Variants in CROT observed in about 807,000 individuals in gnomAD.
CROT encodes the protein peroxisomal carnitine O-octanoyltransferase.
A neutral mutation model predicts 89.2 loss-of-function variants in CROT; 84 were observed. The observed-to-expected ratio is 0.94, with a 90% CI of 0.79 to 1.13. The LOEUF (loss-of-function observed/expected upper bound fraction) is 1.13. Ranked by LOEUF, CROT falls within the 50% of genes most tolerant of loss-of-function variation. CROT has a pLI of 0.00. For synonymous variants in CROT, 212 were observed against 239.5 expected (o/e 0.89, Z 1.06); for missense variants, 711 against 727.8 (o/e 0.98, Z 0.27).
rs11417845 is a variant in CROT at position 87,396,690 on chromosome 7, TA to T, written c.1719-1822del. On this transcript the variant is annotated intron_variant, in intron 17 of 17. Transcript: ENST00000331536. ...TTTTAAATGTATTACATGCTGATTG[TA>T]AAAAAAAAAAAGTTGTTAAATATAA... Among the ~76,000 whole-genome samples, 280 of 148,912 alleles carry T rather than the reference TA, an allele frequency of 1.9e-3. 2 individuals carry two copies. The highest frequency in any genetic ancestry group is 6.0e-3 in the African/African-American group (243 of 40,740).
chr7:87,395,270 G>GC (rs142386411), intron 17 of CROT, among the ~76,000 whole-genome samples: 1 of 151,858 alleles, frequency 6.6e-6, no homozygotes, highest in Non-Finnish European at 1.5e-5. Context: ...GTCTTTTCAG[G>GC]TTTTTCTGCC....
chr7:87,383,419 A>G (rs1467705449), intron 13 of CROT, among the ~76,000 whole-genome samples: 1 of 151,358 alleles, frequency 6.6e-6, no homozygotes, highest in Non-Finnish European at 1.5e-5. Flanking sequence ...AGCCTTACCC[A>G]TGTTGCTGCA....
intron 13 of CROT, among the ~76,000 whole-genome samples, chr7:87,383,632 G>T (rs1807096067): frequency 6.6e-6 from 1 of 151,880 alleles, no homozygotes. Context: ...GAGTAGCTGG[G>T]ATTACAGGTG....
chr7:87,389,834 C>G (rs1210462303), intron 13 of CROT, among the ~76,000 whole-genome samples: 2 of 17,062 alleles, frequency 1.2e-4, no homozygotes, highest in African/African-American at 1.6e-4. Flanking sequence ...GTTGTTGTTC[C>G]TAGCATTAAG....
In CROT at chr7:87,399,486, A is replaced by T. The variant is rs924885680; in HGVS notation, c.*842A>T. The T allele has an allele frequency of 6.6e-6, 1 of 152,214 alleles. No homozygotes were observed. Among genetic ancestry groups the T allele is most frequent in the Non-Finnish European group, 1.5e-5 (1 of 68,044 alleles). 9.4% of individuals were successfully genotyped at this position (152,214 alleles called of 1,614,324 possible). ...TGAGACCCTGTCTCAAAGAAGAAAA[A>T]AAGAGAAAAATAACTCTTTTGAACA... On this transcript the variant is annotated 3_prime_UTR_variant, in exon 18 of 18. Transcript: ENST00000331536.
chr7:87,383,015 C>T (rs748517491), intron 13 of CROT, among the ~76,000 whole-genome samples: 17 of 152,262 alleles, frequency 1.1e-4, no homozygotes, highest in Non-Finnish European at 2.2e-4. Context: ...TTATCAGGTA[C>T]ATGTGATTTT....
rs368998359 is a variant in CROT at position 87,369,470 on chromosome 7, G to A, written c.642G>A (p.Pro214=). 17 of 1,610,258 alleles carry A rather than the reference G, an allele frequency of 1.1e-5. No individual in the cohort carries two copies. Among genetic ancestry groups the A allele is most frequent in the African/African-American group, 4.0e-5 (3 of 74,834 alleles). Residue 214 remains proline (P), a synonymous_variant, in exon 7 of 18, where the codon CCG becomes CCA. Coordinates refer to ENST00000331536, the MANE Select transcript of CROT (RefSeq NM_021151.4). The stretch of plus-strand genomic sequence containing the variant: ...TACATGAAGGATGTTTGGTCACCCC[G>A]CCAGAGCTTCTCAGGTTTTCAGACT... ...DVIHEGCLVT[P]PELLRQLTYI...
At chr7:87,369,537 T>G in intron 7 of CROT, 53 bp downstream of exon 7, 1 of 1,143,748 alleles carries the variant, frequency 8.7e-7, no homozygotes, top group East Asian at 2.5e-5. Flanking sequence ...TTGCTTGAAT[T>G]AAAATATACA....
intron 10 of CROT, 46 bp from the exon 11 acceptor site, chr7:87,381,864 T>C: frequency 7.5e-7 from 1 of 1,331,402 alleles, no homozygotes; most frequent in Non-Finnish European, 1.1e-6. Context: ...GGTCAAGTTT[T>C]AAGTTGACAT....
chr7:87,396,766 C>T (rs1310575578), intron 17 of CROT, among the ~76,000 whole-genome samples: 2 of 151,844 alleles, frequency 1.3e-5, no homozygotes, highest in South Asian at 2.1e-4. Context: ...TGGCATAAGA[C>T]TATAATTATA....
rs117727209 is a variant in CROT, at chr7:87,362,408, T to C, written c.547+556T>C. On this transcript the variant is annotated intron_variant, in intron 6 of 17. Transcript: ENST00000331536. ...ACCTCCTGGGCACAAGTGGTCTTCC[T>C]GCCTCAGCCTCCTGAGTGGCTGGGA... Among the ~76,000 whole-genome samples, 455 of 151,678 alleles carry C rather than the reference T, an allele frequency of 3.0e-3. 18 individuals are homozygous for C. In the East Asian group the frequency reaches 0.073, roughly 24 times the overall value.
At chr7:87,378,442 ATTTG>A (rs769596116) in intron 10 of CROT, among the ~76,000 whole-genome samples, 22 of 152,206 alleles carry the variant, frequency 1.4e-4, no homozygotes, top group Non-Finnish European at 3.1e-4. Flanking sequence ...GTAAGAAGAT[ATTTG>A]TTGGCAAGGA....
intron 4 of CROT, chr7:87,360,173 A>G (rs950748854): frequency 2.6e-6 from 2 of 780,070 alleles, no homozygotes; most frequent in African/African-American, 1.9e-5. Context: ...TACTAATTAT[A>G]GTTTATAACA....
chr7:87,354,932 T>C (rs2115810589), intron 3 of CROT, among the ~76,000 whole-genome samples: 1 of 152,290 alleles, frequency 6.6e-6, no homozygotes, highest in Non-Finnish European at 1.5e-5. Flanking sequence ...ACAAATCTTA[T>C]CATGACTTAC....
chr7:87,369,386 G>T lies in CROT; in HGVS notation c.558G>T (p.Gly186=), dbSNP rs1806550154. The change falls in exon 7 of 18, where the codon GGG becomes GGT. Residue 186 remains glycine (G), a synonymous_variant. Transcript: ENST00000331536. ...IMNYFRTESE[G]RSPNHIVVLC... ...TGTTTCTGTTTCCAGAGAGTGAAGGGCGTTCCCCAAACCACATTGTAGTGC... is the reference window on the plus strand; with the variant it reads ...TGTTTCTGTTTCCAGAGAGTGAAGGTCGTTCCCCAAACCACATTGTAGTGC... 6.2e-7 allele frequency: 1 copy of T among 1,609,770 alleles called. No individual in the cohort carries two copies. The highest frequency in any genetic ancestry group is 8.5e-7 in the Non-Finnish European group (1 of 1,177,784).
At chr7:87,396,895 T>A (rs904376544) in intron 17 of CROT, among the ~76,000 whole-genome samples, 3 of 152,316 alleles carry the variant, frequency 2.0e-5, no homozygotes, top group African/African-American at 7.2e-5. Context: ...CTATTAAGTA[T>A]GCTTTGAGAT....
intron 7 of CROT, among the ~76,000 whole-genome samples, chr7:87,370,151 A>G (rs563941520): frequency 6.6e-6 from 1 of 152,270 alleles, no homozygotes; most frequent in Non-Finnish European, 1.5e-5. Flanking sequence ...TAAAATACAC[A>G]TTTAGTACCA....
chr7:87,391,721 T>G lies in CROT; in HGVS notation c.1425+9T>G. Reference sequence around the variant, plus strand: ...AGGATCCTTCTGTCAATGTGAGTATTGGAAAGGAAAAAAACTCACAAGATT... The same window carrying G: ...AGGATCCTTCTGTCAATGTGAGTATGGGAAAGGAAAAAAACTCACAAGATT... On this transcript the variant is annotated intron_variant, in intron 14 of 17. Coordinates refer to ENST00000331536, the MANE Select transcript of CROT (RefSeq NM_021151.4). 6.3e-7 allele frequency: 1 copy of G among 1,598,684 alleles called. No homozygotes were observed. The highest frequency in any genetic ancestry group is 8.5e-7 in the Non-Finnish European group (1 of 1,175,580).
intron 12 of CROT, 97 bp from the exon 13 acceptor site, chr7:87,382,316 G>T: frequency 6.2e-6 from 9 of 1,447,874 alleles, no homozygotes; most frequent in Non-Finnish European, 8.5e-6. Flanking sequence ...AATTCTTTAT[G>T]TCTGGTGATT....
Sources: gnomAD v4.1 joint callset for allele counts (sites outside exome capture counted in the v4.1 genomes callset) on GRCh38, gnomAD v4.1.1 for gene constraint, MANE v1.5 for transcripts, NCBI Gene and HGNC (gene_info 2026-07-23, HGNC 2026-07-21) for gene names.